MEGF11: variants seen among roughly 807,000 people sequenced by gnomAD.
MEGF11 encodes multiple epidermal growth factor-like domains protein 11.
MEGF11 carries 126 observed loss-of-function variants against 146.6 expected under a neutral mutation model. The ratio of observed to expected loss-of-function variants is 0.86; its 90% CI spans 0.74 to 1.00. The LOEUF (loss-of-function observed/expected upper bound fraction) is 1.00. Among genes scored for constraint, MEGF11 ranks in the 50% least tolerant of loss-of-function variants. The pLI, the probability that MEGF11 is intolerant of heterozygous loss-of-function variation, is 0.00. For missense variants in MEGF11, 1,509 were observed against 1,521.2 expected (o/e 0.99, Z 0.13); for synonymous variants, 532 against 583.4 (o/e 0.91, Z 1.27).
intron 1 of MEGF11, among the ~76,000 whole-genome samples, chr15:66,194,275 C>T (rs2090953169): frequency 6.6e-6 from 1 of 152,136 alleles, no homozygotes; most frequent in South Asian, 2.1e-4. Flanking sequence ...TGTTCTTACT[C>T]ATAAATGGGA....
At chr15:66,158,856 C>G (rs1037054847) in intron 1 of MEGF11, among the ~76,000 whole-genome samples, 9 of 152,200 alleles carry the variant, frequency 5.9e-5, no homozygotes, top group Admixed American at 5.9e-4. Flanking sequence ...GCCAGACAAC[C>G]AGCATCCAGT....
chr15:66,036,992 G>A (rs575372815), intron 5 of MEGF11, among the ~76,000 whole-genome samples: 5 of 152,330 alleles, frequency 3.3e-5, no homozygotes, highest in African/African-American at 4.8e-5. Flanking sequence ...CAAAGGCCCT[G>A]TCCCTGGCTG....
At chr15:66,230,665 A>C (rs2091950253) in intron 1 of MEGF11, among the ~76,000 whole-genome samples, 1 of 152,216 alleles carries the variant, frequency 6.6e-6, no homozygotes, top group African/African-American at 2.4e-5. Flanking sequence ...CATTCTTATA[A>C]AAGGGGGGAG....
At chr15:66,139,768 C>CT (rs1454725749) in intron 1 of MEGF11, among the ~76,000 whole-genome samples, 2 of 152,138 alleles carry the variant, frequency 1.3e-5, no homozygotes, top group African/African-American at 4.8e-5. Flanking sequence ...AATTAAAAAG[C>CT]TTAACATGTC....
chr15:65,991,602 C>T (rs1417620614), intron 5 of MEGF11, among the ~76,000 whole-genome samples: 2 of 152,192 alleles, frequency 1.3e-5, no homozygotes, highest in Non-Finnish European at 2.9e-5. Context: ...TCAAAAGTGC[C>T]TCCAGATATT....
chr15:65,992,738 A>G (rs2082093472), intron 5 of MEGF11, among the ~76,000 whole-genome samples: 1 of 151,978 alleles, frequency 6.6e-6, no homozygotes, highest in African/African-American at 2.4e-5. Context: ...ATGGGAAGGA[A>G]CAGTAAGTGT....
In MEGF11 at chr15:66,108,434, T is replaced by G. The variant is rs867568776; in HGVS notation, c.301+10652A>C. Among the ~76,000 whole-genome samples the G allele has an allele frequency of 2.6e-5, 4 of 152,108 alleles. No homozygotes were observed. The South Asian group carries it at 8.3e-4, about 32-fold the overall frequency. On this transcript the variant is annotated intron_variant, in intron 4 of 25. Transcript: ENST00000395614. ...TAGTTCCATTGAGGAGACAGAAATT[T>G]TAAAAATGTATATTCTATGCCAGGT...
chr15:66,195,263 C>T (rs72744487), intron 1 of MEGF11, among the ~76,000 whole-genome samples: 7,233 of 152,304 alleles, frequency 0.047, 253 homozygotes, highest in Middle Eastern at 0.075. Flanking sequence ...CAAATATAAT[C>T]ACATTCTGAG....
chr15:66,052,113 C>T (rs545332065), intron 5 of MEGF11, among the ~76,000 whole-genome samples: 1 of 152,182 alleles, frequency 6.6e-6, no homozygotes, highest in African/African-American at 2.4e-5. Flanking sequence ...CATCCATCAT[C>T]CCCACTTTCC....
intron 5 of MEGF11, among the ~76,000 whole-genome samples, chr15:65,990,541 C>T (rs2081999471): frequency 6.8e-6 from 1 of 147,120 alleles, no homozygotes; most frequent in Admixed American, 7.0e-5. Flanking sequence ...CATGGTGAGA[C>T]CCTGTCCAAA....
intron 5 of MEGF11, among the ~76,000 whole-genome samples, chr15:66,055,467 A>G (rs953282136): frequency 1.3e-5 from 2 of 152,256 alleles, no homozygotes; most frequent in Admixed American, 1.3e-4. Context: ...GATCCACAAC[A>G]TAATTGCACG....
intron 5 of MEGF11, among the ~76,000 whole-genome samples, chr15:66,071,774 GA>G (rs1232388032): frequency 6.6e-6 from 1 of 152,212 alleles, no homozygotes; most frequent in Non-Finnish European, 1.5e-5. Flanking sequence ...ATTATTAAAA[GA>G]AAGCTGGTTC....
rs547772351 is a variant in MEGF11 at position 66,189,353 on chromosome 15, A to G, written c.-8-60942T>C. 2.6e-5 allele frequency among the ~76,000 whole-genome samples: 4 copies of G among 152,282 alleles called. No homozygotes were observed. The East Asian group carries it at 7.7e-4, about 29-fold the overall frequency. On this transcript the variant is annotated intron_variant, in intron 1 of 25. Coordinates refer to ENST00000395614, the MANE Select transcript of MEGF11 (RefSeq NM_001385028.1). ...AGCGGGAAGGGGACATGTAATAAAC[A>G]TAACGAATGTGGGTATCACACTTCA... is the stretch of plus-strand genomic sequence containing the variant.
intron 1 of MEGF11, among the ~76,000 whole-genome samples, chr15:66,235,941 C>T (rs2092081607): frequency 6.6e-6 from 1 of 152,180 alleles, no homozygotes; most frequent in Non-Finnish European, 1.5e-5. Flanking sequence ...CCCTGTTTGA[C>T]CAAGTCCCTC....
chr15:66,164,152 C>T (rs367950667), intron 1 of MEGF11, among the ~76,000 whole-genome samples: 1 of 152,178 alleles, frequency 6.6e-6, no homozygotes, highest in East Asian at 1.9e-4. Context: ...GAGGTGGAGC[C>T]ACCACACATG....
chr15:66,031,470 TC>T (rs2140239170), intron 5 of MEGF11, among the ~76,000 whole-genome samples: 1 of 152,306 alleles, frequency 6.6e-6, no homozygotes, highest in South Asian at 2.1e-4. Flanking sequence ...GGGCTGGGGT[TC>T]TACCTCAATC....
Position 66,119,162 on chromosome 15 carries a change from C to A in MEGF11, c.225G>T (p.Arg75=). ...GCCGGTACATGGTCCGGAGGCCTCTCCGATACGCCGTCTTATAACTGATCC... is the reference window on the plus strand; with the variant it reads ...GCCGGTACATGGTCCGGAGGCCTCTACGATACGCCGTCTTATAACTGATCC... ...RHRISYKTAY[R]RGLRTMYRRR... The change falls in exon 4 of 26, where the codon CGG becomes CGT. Residue 75 remains arginine (R), a synonymous_variant. Transcript: ENST00000395614. The A allele has an allele frequency of 1.2e-5, 18 of 1,551,500 alleles. No homozygotes were observed. Among genetic ancestry groups the A allele is most frequent in the Non-Finnish European group, 1.6e-5 (18 of 1,147,026 alleles).
At chr15:66,140,098 T>A (rs757604407) in intron 1 of MEGF11, among the ~76,000 whole-genome samples, 9 of 152,178 alleles carry the variant, frequency 5.9e-5, no homozygotes, top group Non-Finnish European at 1.0e-4. Context: ...GAAAAGCAGC[T>A]TTTAGGGCTA....
chr15:65,912,186 T>C lies in MEGF11; in HGVS notation c.2725A>G (p.Ser909Gly), dbSNP rs1217319927. ...TTGGAAAAGCAGTGGGCATGGCTGC[T>C]ACTTTGAGACAAATCTGGGAAGAGA... ...DYSLSDLSQSSSHAHCFSNSS... is the reference protein window; with the variant it reads ...DYSLSDLSQSGSHAHCFSNSS... Residue 909 changes from serine to glycine, a missense_variant, in exon 21 of 26, where the codon AGC (serine) becomes GGC (glycine). Ser to Gly is a moderately conservative substitution (Grantham distance 56). Transcript: ENST00000395614. 3.2e-6 allele frequency: 4 copies of C among 1,232,312 alleles called. No homozygotes were observed. The highest frequency in any genetic ancestry group is 4.0e-6 in the Non-Finnish European group (4 of 988,246). The allele number at this position is 1,232,312 out of a possible 1,614,324, so 76.3% of individuals were successfully genotyped here.
Sources: gnomAD v4.1 joint callset for allele counts (sites outside exome capture counted in the v4.1 genomes callset) on GRCh38, gnomAD v4.1.1 for gene constraint, MANE v1.5 for transcripts, NCBI Gene and HGNC (gene_info 2026-07-23, HGNC 2026-07-21) for gene names.